Variants in PCDHGA5 observed in about 807,000 individuals in gnomAD.
The protein encoded by PCDHGA5 is protocadherin gamma-A5.
A neutral mutation model predicts 56.7 loss-of-function variants in PCDHGA5; 36 were observed. That is an observed-to-expected ratio of 0.64 (90% CI 0.49 to 0.84). PCDHGA5 has a LOEUF of 0.84. Among genes scored for constraint, PCDHGA5 ranks in the 40% least tolerant of loss-of-function variants. The pLI is 0.00. For missense variants in PCDHGA5, 1,305 were observed against 1,201.5 expected (o/e 1.09, Z -1.27); for synonymous variants, 563 against 520.2 (o/e 1.08, Z -1.12).
intron 1 of PCDHGA5, among the ~76,000 whole-genome samples, chr5:141,369,209 C>T (rs567971438): frequency 1.3e-5 from 2 of 151,888 alleles, no homozygotes; most frequent in South Asian, 2.1e-4. Context: ...AAACTGGGGA[C>T]CAAGGAAAAG....
At chr5:141,450,772 C>T (rs544188262) in intron 1 of PCDHGA5, among the ~76,000 whole-genome samples, 1 of 151,944 alleles carries the variant, frequency 6.6e-6, no homozygotes, top group African/African-American at 2.4e-5. Flanking sequence ...CAGGCATGAG[C>T]CACCGTGCCC....
At chr5:141,380,974 A>C (rs1008958709) in intron 1 of PCDHGA5, among the ~76,000 whole-genome samples, 4 of 152,262 alleles carry the variant, frequency 2.6e-5, no homozygotes, top group African/African-American at 9.6e-5. Context: ...TATTAAACAA[A>C]TAGAATTTAA....
At chr5:141,413,812 C>T in intron 1 of PCDHGA5, 2 of 1,613,144 alleles carry the variant, frequency 1.2e-6, no homozygotes, top group Non-Finnish European at 1.7e-6. Flanking sequence ...GGCCATTCAC[C>T]ACCTGGTCCT....
chr5:141,475,547 G>A (rs2099364977), intron 1 of PCDHGA5, among the ~76,000 whole-genome samples: 1 of 152,176 alleles, frequency 6.6e-6, no homozygotes, highest in Non-Finnish European at 1.5e-5. Context: ...AGTAGGGTCC[G>A]GCTAATTGTC....
In PCDHGA5 at chr5:141,366,569, C is replaced by A. The variant is rs766850721; in HGVS notation, c.2239C>A (p.Arg747=). The A allele has an allele frequency of 6.2e-7, 1 of 1,614,110 alleles. No homozygotes were observed. Among genetic ancestry groups the A allele is most frequent in the Non-Finnish European group, 8.5e-7 (1 of 1,180,056 alleles). ...GCACTTTGTGGGCGTGGATGGGGTT[C>A]GGGCTTTCCTGCAGACCTATTCCCA... ...ASHFVGVDGV[R]AFLQTYSHEV... The change falls in exon 1 of 4, where the codon CGG becomes AGG. Residue 747 remains arginine (R), a synonymous_variant. Coordinates refer to ENST00000518069, the MANE Select transcript of PCDHGA5 (RefSeq NM_018918.3).
chr5:141,423,730 A>G, intron 1 of PCDHGA5: 1 of 831,022 alleles, frequency 1.2e-6, no homozygotes. Flanking sequence ...ATGTTTTTTG[A>G]GCCTGTTATG....
chr5:141,423,985 C>T (rs1334591897), intron 1 of PCDHGA5: 2 of 1,100,512 alleles, frequency 1.8e-6, no homozygotes, highest in Non-Finnish European at 2.2e-6. Flanking sequence ...ATGAGGCTCT[C>T]AATTTATTAT....
At chr5:141,422,812 T>A in intron 1 of PCDHGA5, 1 of 1,614,206 alleles carries the variant, frequency 6.2e-7, no homozygotes, top group Non-Finnish European at 8.5e-7. Context: ...GTTTCGAGAC[T>A]TAGAACTGAG....
intron 1 of PCDHGA5, chr5:141,399,029 A>G: frequency 6.2e-7 from 1 of 1,613,912 alleles, no homozygotes. Context: ...ACCACTCAAA[A>G]GAAACTGGAT....
At chr5:141,415,772 T>TTTTTTA in intron 1 of PCDHGA5, 1 of 1,332,986 alleles carries the variant, frequency 7.5e-7, no homozygotes, top group Non-Finnish European at 9.6e-7. Flanking sequence ...TTTTTTTTTT[T>TTTTTTA]ACTTTCTGGT....
At chr5:141,366,773 G>A (rs1474826624) in intron 1 of PCDHGA5, 22 bp downstream of exon 1, 3 of 1,595,414 alleles carry the variant, frequency 1.9e-6, no homozygotes, top group Non-Finnish European at 2.6e-6. Context: ...CTTTCGGTAA[G>A]GATGACCAGA....
intron 1 of PCDHGA5, chr5:141,419,715 T>C: frequency 6.2e-7 from 1 of 1,613,288 alleles, no homozygotes. Flanking sequence ...CTCTTCAGCC[T>C]GGGGCTGCGA....
At chr5:141,416,501 T>C (rs1164504285) in intron 1 of PCDHGA5, 6 of 152,148 alleles carry the variant, frequency 3.9e-5, no homozygotes, top group Non-Finnish European at 7.4e-5. Context: ...AAGAGATATA[T>C]GACAAAGCTA....
chr5:141,372,588 T>G lies in PCDHGA5; in HGVS notation c.2421+5837T>G, dbSNP rs781493035. 9.3e-6 allele frequency: 15 copies of G among 1,613,932 alleles called. No individual in the cohort carries two copies. The South Asian group carries it at 1.2e-4, about 13-fold the overall frequency. ...TGAGGGCTACTTTCAGCCTGGTGTC[T>G]GCTTCAAGACTGTACCTGGAGTTCT... On this transcript the variant is annotated intron_variant, in intron 1 of 3. Transcript: ENST00000518069.
chr5:141,404,533 T>A, intron 1 of PCDHGA5: 2 of 1,613,926 alleles, frequency 1.2e-6, no homozygotes. Flanking sequence ...AGTTTAGAGA[T>A]TTGCAAATGC....
rs1275109387 is a variant in PCDHGA5 at position 141,431,924 on chromosome 5, A to G, written c.2422-62883A>G. The G allele has an allele frequency of 1.1e-5, 17 of 1,614,050 alleles. No homozygotes were observed. Among genetic ancestry groups the G allele is most frequent in the Non-Finnish European group, 1.4e-5 (17 of 1,179,982 alleles). On this transcript the variant is annotated intron_variant, in intron 1 of 3. Coordinates refer to ENST00000518069, the MANE Select transcript of PCDHGA5 (RefSeq NM_018918.3). The surrounding 1 kb of genome is among the most constrained non-coding windows in gnomAD (Gnocchi z 4.8). ...ACAGGTGATCTGTTTCATCCAAGGA[A>G]ATCTGCCCTTTAAATTAGAAAAATC... is the stretch of plus-strand genomic sequence containing the variant.
intron 1 of PCDHGA5, among the ~76,000 whole-genome samples, chr5:141,456,124 C>G (rs2098844023): frequency 6.6e-6 from 1 of 152,072 alleles, no homozygotes. Context: ...GTCTCCATCT[C>G]CTGACCTCCT....
chr5:141,470,738 C>T lies in PCDHGA5; in HGVS notation c.2422-24069C>T, dbSNP rs117476356. On this transcript the variant is annotated intron_variant, in intron 1 of 3. Transcript: ENST00000518069. ...TTTGAGTCAGGGTCTTGCTCTGTCG[C>T]CCTGGCTGGAGTGCAGTGGACTCAC... Among the ~76,000 whole-genome samples the T allele has an allele frequency of 1.9e-3, 295 of 152,226 alleles. 7 individuals carry two copies. In the East Asian group the frequency reaches 0.046, roughly 24 times the overall value.
At position 141,477,167 on chromosome 5, in the gene PCDHGA5, G is replaced by A; in HGVS notation, c.2422-17640G>A. On this transcript the variant is annotated intron_variant, in intron 1 of 3. Coordinates refer to ENST00000518069, the MANE Select transcript of PCDHGA5 (RefSeq NM_018918.3). This position sits in a 1 kb window ranked among gnomAD's most constrained non-coding sequence, Gnocchi z 4.9. ...TGTGGATGTGAATGACAACGCCCCGGAGATCACAGTCACCTCCGTGTACAG... is the reference window on the plus strand; with the variant it reads ...TGTGGATGTGAATGACAACGCCCCGAAGATCACAGTCACCTCCGTGTACAG... 6.2e-7 allele frequency: 1 copy of A among 1,614,166 alleles called. No homozygotes were observed. Among genetic ancestry groups the A allele is most frequent in the South Asian group, 1.1e-5 (1 of 91,076 alleles).
Sources: gnomAD v4.1 joint callset for allele counts (sites outside exome capture counted in the v4.1 genomes callset) on GRCh38, gnomAD v4.1.1 for gene constraint, Gnocchi (gnomAD v3.1) non-coding constraint, MANE v1.5 for transcripts, NCBI Gene and HGNC (gene_info 2026-07-23, HGNC 2026-07-21) for gene names.